AKT2: variants seen among roughly 807,000 people sequenced by gnomAD.
The protein encoded by AKT2 is AKT serine/threonine kinase 2, also known as RAC-beta serine/threonine-protein kinase.
Under a neutral mutation model 58.6 loss-of-function variants are expected in AKT2, and 16 were observed. The observed-to-expected ratio is 0.27, with a 90% confidence interval of 0.18 to 0.41. AKT2 has a LOEUF of 0.41. Among genes scored for constraint, AKT2 ranks in the 10% least tolerant of loss-of-function variants. The pLI, the probability that AKT2 is intolerant of heterozygous loss-of-function variation, is 1.00. For missense variants in AKT2, 438 were observed against 661.0 expected, an observed-to-expected ratio of 0.66 and a Z score of 3.70; for synonymous variants, 253 against 254.0, an observed-to-expected ratio of 1.00 and a Z score of 0.04.
chr19:40,266,598 C>G (rs1314129896), intron 1 of AKT2, among the ~76,000 whole-genome samples: 1 of 152,132 alleles, frequency 6.6e-6, no homozygotes, highest in Non-Finnish European at 1.5e-5. Flanking sequence ...AGCAACATGC[C>G]CGGCACCCCA....
chr19:40,264,398 T>C (rs530284129), intron 2 of AKT2, among the ~76,000 whole-genome samples: 4 of 152,258 alleles, frequency 2.6e-5, no homozygotes, highest in Admixed American at 1.3e-4. Flanking sequence ...CTAGTACAAA[T>C]GGATCAGGCC....
intron 1 of AKT2, chr19:40,275,498 A>G (rs1228330539): frequency 5.4e-6 from 2 of 367,536 alleles, no homozygotes; most frequent in South Asian, 4.0e-5. Context: ...CGTTCCTCAC[A>G]TGGGAAAACT....
chr19:40,256,732 T>C (rs1420018507), intron 3 of AKT2, among the ~76,000 whole-genome samples, 194 bp downstream of exon 3: 2 of 152,108 alleles, frequency 1.3e-5, no homozygotes, highest in Non-Finnish European at 2.9e-5. Context: ...TCCCTCCCAC[T>C]CTGCATCTCC....
At chr19:40,255,461 A>G (rs1031028498) in intron 3 of AKT2, among the ~76,000 whole-genome samples, 192 bp from the exon 4 acceptor site, 8 of 152,090 alleles carry the variant, frequency 5.3e-5, no homozygotes, top group Non-Finnish European at 8.8e-5. Context: ...GTGGAAGGAG[A>G]GAAGCCCACC....
intron 1 of AKT2, among the ~76,000 whole-genome samples, chr19:40,272,312 C>G (rs2077230318): frequency 6.6e-6 from 1 of 152,212 alleles, no homozygotes; most frequent in African/African-American, 2.4e-5. Flanking sequence ...TTCCTCCTGT[C>G]CTTGCAAGGA....
Position 40,233,602 on chromosome 19 carries a change from C to G in AKT2, c.*270G>C, listed in dbSNP as rs1250762326. On this transcript the variant is annotated 3_prime_UTR_variant, in exon 14 of 14. Transcript: ENST00000392038. This position sits in a 1 kb window ranked among gnomAD's most constrained non-coding sequence, Gnocchi z 4.3. ...CACTGGGGCTTGTGTGGATTAAAAC[C>G]TGAATCTCCAACCGCCCAACAGCCC... The G allele has an allele frequency of 1.4e-6, 1 of 729,576 alleles. No individual in the cohort carries two copies. Among genetic ancestry groups the G allele is most frequent in the African/African-American group, 1.7e-5 (1 of 58,702 alleles). The allele number at this position is 729,576 out of a possible 1,614,324, so 45.2% of individuals were successfully genotyped here. A position where few individuals can be genotyped will look rare whatever the true frequency, so the allele number is the denominator to read the frequency against.
chr19:40,233,428 C>T lies in AKT2; in HGVS notation c.*444G>A, dbSNP rs1257141279. 5 of 490,060 alleles carry T rather than the reference C, an allele frequency of 1.0e-5. No homozygotes were observed. The highest frequency in any genetic ancestry group is 1.8e-5 in the South Asian group (1 of 54,484). 30.4% of individuals were successfully genotyped at this position (490,060 alleles called of 1,614,324 possible). A position where few individuals can be genotyped will look rare whatever the true frequency, so the allele number is the denominator to read the frequency against. ...GCCTGGCCACTCCGAGCCTAGGCCA[C>T]GGGGCCTGGAAGGCAGCACCACTGT... On this transcript the variant is annotated 3_prime_UTR_variant, in exon 14 of 14. Transcript: ENST00000392038. The surrounding 1 kb of genome is among the most constrained non-coding windows in gnomAD (Gnocchi z 4.3).
Position 40,231,877 on chromosome 19 carries a change from C to T in AKT2, c.*1995G>A, listed in dbSNP as rs576356489. On this transcript the variant is annotated 3_prime_UTR_variant, in exon 14 of 14. Coordinates refer to ENST00000392038, the MANE Select transcript of AKT2 (RefSeq NM_001626.6). The stretch of plus-strand genomic sequence containing the variant: ...CTGGGTCTGTACTGGAATTTGGGGG[C>T]CTCAAGGCTTCCAGGTGGCAGCATA... 18 of 233,430 alleles carry T rather than the reference C, an allele frequency of 7.7e-5. No homozygotes were observed. In the East Asian group the frequency reaches 9.6e-4, roughly 12 times the overall value. 14.5% of individuals were successfully genotyped at this position (233,430 alleles called of 1,614,324 possible).
intron 1 of AKT2, chr19:40,275,425 C>G: frequency 2.4e-6 from 1 of 411,826 alleles, no homozygotes; most frequent in Non-Finnish European, 5.0e-6. Flanking sequence ...ACTCAGTGAG[C>G]ACTCACAAAG....
intron 4 of AKT2, among the ~76,000 whole-genome samples, chr19:40,246,471 A>G (rs1395048430): frequency 6.6e-6 from 1 of 152,150 alleles, no homozygotes; most frequent in Non-Finnish European, 1.5e-5. Context: ...ACAAATTTTA[A>G]ATTTTTTTAA....
intron 1 of AKT2, among the ~76,000 whole-genome samples, chr19:40,271,212 C>T (rs202024724): frequency 5.7e-5 from 8 of 140,026 alleles, no homozygotes; most frequent in African/African-American, 1.4e-4. Context: ...TACATACATA[C>T]ATATATATAT....
intron 4 of AKT2, among the ~76,000 whole-genome samples, chr19:40,245,299 G>C (rs1324141959): frequency 6.6e-6 from 1 of 152,204 alleles, no homozygotes; most frequent in Non-Finnish European, 1.5e-5. Flanking sequence ...TGCAATTTAG[G>C]AGGCAGAGGC....
intron 1 of AKT2, among the ~76,000 whole-genome samples, chr19:40,281,843 G>A (rs1037267455): frequency 5.9e-5 from 9 of 152,194 alleles, no homozygotes; most frequent in Non-Finnish European, 1.3e-4. Flanking sequence ...ATTTCCGGTA[G>A]GCTTATTGTA....
rs1415077672 is a variant in AKT2, at chr19:40,232,921, T to C, written c.*951A>G. On this transcript the variant is annotated 3_prime_UTR_variant, in exon 14 of 14. Coordinates refer to ENST00000392038, the MANE Select transcript of AKT2 (RefSeq NM_001626.6). ...TTCAGAGGCCCCCCACCCCAATAGG[T>C]ACCAGAGATGCCCACCCCCACCCCT... is the stretch of plus-strand genomic sequence containing the variant. The C allele has an allele frequency of 6.5e-6, 1 of 154,308 alleles. No individual in the cohort carries two copies. The highest frequency in any genetic ancestry group is 1.3e-5 in the Non-Finnish European group (1 of 78,622). The allele number at this position is 154,308 out of a possible 1,614,324, so 9.6% of individuals were successfully genotyped here. A position where few individuals can be genotyped will look rare whatever the true frequency, so the allele number is the denominator to read the frequency against.
chr19:40,249,270 C>T (rs1335247083), intron 4 of AKT2, among the ~76,000 whole-genome samples: 1 of 152,142 alleles, frequency 6.6e-6, no homozygotes, highest in Non-Finnish European at 1.5e-5. Context: ...GAGGAGACCC[C>T]GGCATCCTCC....
intron 1 of AKT2, among the ~76,000 whole-genome samples, chr19:40,269,987 G>T (rs902230780): frequency 6.6e-6 from 1 of 152,140 alleles, no homozygotes; most frequent in African/African-American, 2.4e-5. Context: ...GCTTCTCTGA[G>T]GGCACTTCAC....
intron 1 of AKT2, among the ~76,000 whole-genome samples, chr19:40,280,227 G>A (rs933736683): frequency 2.6e-5 from 4 of 152,190 alleles, no homozygotes; most frequent in African/African-American, 9.7e-5. Flanking sequence ...CTGCTGCCCT[G>A]CGTTGCTATT....
chr19:40,255,718 G>A (rs1432637330), intron 3 of AKT2, among the ~76,000 whole-genome samples: 1 of 152,256 alleles, frequency 6.6e-6, no homozygotes, highest in African/African-American at 2.4e-5. Context: ...GGAGGGGTAA[G>A]TGAGAGACAG....
chr19:40,260,250 T>C (rs972427307), intron 2 of AKT2, among the ~76,000 whole-genome samples: 19 of 152,058 alleles, frequency 1.2e-4, no homozygotes, highest in African/African-American at 4.1e-4. Context: ...AAACAAGTGT[T>C]GGCAAGGATA....
Sources: allele counts gnomAD v4.1 joint callset (sites outside exome capture counted in the v4.1 genomes callset), GRCh38; gene constraint gnomAD v4.1.1; non-coding constraint Gnocchi (gnomAD v3.1); transcripts MANE v1.5; gene names NCBI Gene and HGNC (gene_info 2026-07-23, HGNC 2026-07-21).